The following SIK3 variants were observed in gnomAD, a reference collection of about 807,000 sequenced individuals.
SIK3 encodes the protein serine/threonine-protein kinase SIK3.
SIK3 carries 28 observed loss-of-function variants against 144.2 expected under a neutral mutation model. That is an observed-to-expected ratio of 0.19 (90% CI 0.14 to 0.27). The LOEUF (loss-of-function observed/expected upper bound fraction) is 0.27. Ranked by LOEUF, SIK3 falls within the 10% of genes least tolerant of loss-of-function variation. The pLI is 1.00. For missense variants in SIK3, 1,319 were observed against 1,776.0 expected (o/e 0.74, Z 4.62); for synonymous variants, 686 against 676.3 (o/e 1.01, Z -0.22).
chr11:117,015,812 GCCCAC>G (rs1951499074), intron 1 of SIK3: 2 of 151,960 alleles, frequency 1.3e-5, no homozygotes, highest in East Asian at 3.9e-4. Flanking sequence ...CAGGTGATCC[GCCCAC>G]CTCAGCCTCC....
intron 1 of SIK3, among the ~76,000 whole-genome samples, chr11:116,966,135 G>T (rs191162129): frequency 6.6e-6 from 1 of 152,122 alleles, no homozygotes; most frequent in Non-Finnish European, 1.5e-5. Context: ...CTAAGAAAGT[G>T]GCATAATGAC....
In SIK3 at chr11:116,896,469, T is replaced by C. The variant is rs539102226; in HGVS notation, c.742-93A>G. ...TGTGTATGCAGATGATGGTGAGTCATGCATACGATTATGGAACAAACTTTT... is the reference window on the plus strand; with the variant it reads ...TGTGTATGCAGATGATGGTGAGTCACGCATACGATTATGGAACAAACTTTT... On this transcript the variant is annotated intron_variant, in intron 5 of 24. Coordinates refer to ENST00000445177, the MANE Select transcript of SIK3 (RefSeq NM_001366686.3). 1.4e-5 allele frequency: 19 copies of C among 1,371,732 alleles called. No individual in the cohort carries two copies. The East Asian group carries it at 3.6e-4, about 26-fold the overall frequency. The allele number at this position is 1,371,732 out of a possible 1,614,324, so 85.0% of individuals were successfully genotyped here.
chr11:116,914,598 G>A (rs1946523649), intron 4 of SIK3, among the ~76,000 whole-genome samples: 2 of 152,204 alleles, frequency 1.3e-5, no homozygotes, highest in Admixed American at 1.3e-4. Flanking sequence ...GATTAGTCCA[G>A]TGGGGGAGAT....
intron 1 of SIK3, among the ~76,000 whole-genome samples, chr11:117,003,877 T>A (rs114783641): frequency 1.3e-5 from 2 of 152,182 alleles, no homozygotes; most frequent in Non-Finnish European, 2.9e-5. Context: ...TTGGTCCCCA[T>A]TGCTGAACAT....
intron 1 of SIK3, among the ~76,000 whole-genome samples, chr11:116,964,512 C>T (rs889519662): frequency 2.6e-5 from 4 of 152,180 alleles, no homozygotes; most frequent in African/African-American, 9.7e-5. Flanking sequence ...CACAAGGACT[C>T]TACATGGCCA....
At chr11:117,075,911 C>A (rs1455300873) in intron 1 of SIK3, among the ~76,000 whole-genome samples, 4 of 137,910 alleles carry the variant, frequency 2.9e-5, no homozygotes, top group East Asian at 2.2e-4. Flanking sequence ...GTGCAATGCA[C>A]GATCTCGGCT....
chr11:116,921,220 T>C lies in SIK3; in HGVS notation c.616+5999A>G, dbSNP rs141203891. On this transcript the variant is annotated intron_variant, in intron 4 of 24. Transcript: ENST00000445177. ...TTGGAGAGTTAAAAGTGCCAGAAGATGAAGAGATTTTACTTTTTTAATAAG... is the reference window on the plus strand; with the variant it reads ...TTGGAGAGTTAAAAGTGCCAGAAGACGAAGAGATTTTACTTTTTTAATAAG... Among the ~76,000 whole-genome samples the C allele has an allele frequency of 2.8e-4, 43 of 152,348 alleles. No individual in the cohort carries two copies. In the East Asian group the frequency reaches 7.3e-3, roughly 26 times the overall value.
chr11:117,054,705 G>A (rs995942592), intron 1 of SIK3, among the ~76,000 whole-genome samples: 2 of 152,102 alleles, frequency 1.3e-5, no homozygotes, highest in Non-Finnish European at 2.9e-5. Context: ...GAGGTGGGAG[G>A]ATCACTGGAG....
intron 1 of SIK3, among the ~76,000 whole-genome samples, chr11:116,973,608 G>C (rs920314310): frequency 6.6e-6 from 1 of 152,166 alleles, no homozygotes; most frequent in Non-Finnish European, 1.5e-5. Flanking sequence ...GAAAGGGGGG[G>C]AAAGAAAGAA....
At chr11:116,902,480 G>A (rs931825685) in intron 4 of SIK3, among the ~76,000 whole-genome samples, 2 of 152,196 alleles carry the variant, frequency 1.3e-5, no homozygotes, top group African/African-American at 2.4e-5. Flanking sequence ...TTTTATATGA[G>A]AAATGAGTGT....
At chr11:117,090,010 C>T (rs1381062186) in intron 1 of SIK3, among the ~76,000 whole-genome samples, 1 of 152,202 alleles carries the variant, frequency 6.6e-6, no homozygotes, top group Non-Finnish European at 1.5e-5. Flanking sequence ...ATGGCTCATC[C>T]AACAGTTCCG....
rs1227717591 is a variant in SIK3, at chr11:116,867,596, G to C, written c.1952+350C>G. ...TATTAAAGGTCAAGTCTATCGATATGGCTAAAAATCTTCCTGTTTCCAGGT... is the reference window on the plus strand; with the variant it reads ...TATTAAAGGTCAAGTCTATCGATATCGCTAAAAATCTTCCTGTTTCCAGGT... On this transcript the variant is annotated intron_variant, in intron 15 of 24. Transcript: ENST00000445177. The surrounding 1 kb of genome is among the most constrained non-coding windows in gnomAD (Gnocchi z 4.1). 1 of 200,474 alleles carries C rather than the reference G, an allele frequency of 5.0e-6. No individual in the cohort carries two copies. The highest frequency in any genetic ancestry group is 1.0e-5 in the Non-Finnish European group (1 of 99,658). 12.4% of individuals were successfully genotyped at this position (200,474 alleles called of 1,614,324 possible). A position where few individuals can be genotyped will look rare whatever the true frequency, so the allele number is the denominator to read the frequency against.
chr11:116,858,754 G>A lies in SIK3; in HGVS notation c.2766-55C>T. The A allele has an allele frequency of 6.6e-7, 1 of 1,511,444 alleles. No individual in the cohort carries two copies. The highest frequency in any genetic ancestry group is 8.8e-7 in the Non-Finnish European group (1 of 1,130,666). 93.6% of individuals were successfully genotyped at this position (1,511,444 alleles called of 1,614,324 possible). The stretch of plus-strand genomic sequence containing the variant: ...CCATGTAACAAGTACTAGACTTCCT[G>A]GGAACAGCTCCTCCTCCTCAGTAGG... On this transcript the variant is annotated intron_variant, in intron 20 of 24. Transcript: ENST00000445177. This position sits in a 1 kb window ranked among gnomAD's most constrained non-coding sequence, Gnocchi z 5.4.
Position 116,859,556 on chromosome 11 carries a change from A to G in SIK3, c.2474T>C (p.Ile825Thr). The G allele has an allele frequency of 6.2e-7, 1 of 1,614,174 alleles. No individual in the cohort carries two copies. The change falls in exon 20 of 25, where the codon ATC becomes ACC. Residue 825 changes from isoleucine to threonine, a missense_variant. This residue lies in a region of SIK3 where 646 missense variants were observed against 763.7 expected (regional missense o/e 0.85). Coordinates refer to ENST00000445177, the MANE Select transcript of SIK3 (RefSeq NM_001366686.3). ...QFQGLPSRSA[I>T]FQQQPENCSS... Reference sequence around the variant, plus strand: ...ACAGTTCTCAGGTTGCTGCTGAAAGATTGCACTGCGGGAAGGTAAGCCTTG... The same window carrying G: ...ACAGTTCTCAGGTTGCTGCTGAAAGGTTGCACTGCGGGAAGGTAAGCCTTG...
At chr11:116,997,016 A>AT (rs1377331537) in intron 1 of SIK3, among the ~76,000 whole-genome samples, 1 of 152,070 alleles carries the variant, frequency 6.6e-6, no homozygotes, top group East Asian at 1.9e-4. Flanking sequence ...GGACCTTCTC[A>AT]TTTTTTCCCA....
chr11:116,846,319 G>T lies in SIK3; in HGVS notation c.*13+64C>A. ...CCACAACACATGGGCTGAAGCTCCT[G>T]ATGGGATTGGGAGCAGGCACTGGGC... On this transcript the variant is annotated intron_variant, in intron 24 of 24. Transcript: ENST00000445177. The surrounding 1 kb of genome is among the most constrained non-coding windows in gnomAD (Gnocchi z 4.1). 1 of 1,531,878 alleles carries T rather than the reference G, an allele frequency of 6.5e-7. No individual in the cohort carries two copies. The highest frequency in any genetic ancestry group is 8.9e-7 in the Non-Finnish European group (1 of 1,120,178). 94.9% of individuals were successfully genotyped at this position (1,531,878 alleles called of 1,614,324 possible).
At position 116,844,642 on chromosome 11, in the gene SIK3, A is replaced by ATATATATAATATAATATAATATATATAT. The variant is rs1565345727; in HGVS notation, c.*1000_*1001insATATATATATTATATTATATTATATATA. On this transcript the variant is annotated 3_prime_UTR_variant, in exon 25 of 25. Coordinates refer to ENST00000445177, the MANE Select transcript of SIK3 (RefSeq NM_001366686.3). ...TAATATATATATAATATATTATATTATATATTATATATATAATATATATAT... is the reference window on the plus strand; with the variant it reads ...TAATATATATATAATATATTATATTATATATATAATATAATATAATATATATATTATATTATATATATAATATATATAT... 2.5e-5 allele frequency: 2 copies of ATATATATAATATAATATAATATATATAT among 79,496 alleles called. No homozygotes were observed. Among genetic ancestry groups the ATATATATAATATAATATAATATATATAT allele is most frequent in the Non-Finnish European group, 4.0e-5 (2 of 50,154 alleles). 4.9% of individuals were successfully genotyped at this position (79,496 alleles called of 1,614,324 possible).
At chr11:117,026,261 G>A (rs565694347) in intron 1 of SIK3, among the ~76,000 whole-genome samples, 1 of 152,288 alleles carries the variant, frequency 6.6e-6, no homozygotes, top group African/African-American at 2.4e-5. Flanking sequence ...TAGCCTAGGA[G>A]CAACAGACCA....
intron 1 of SIK3, among the ~76,000 whole-genome samples, chr11:117,028,829 C>T (rs1952134242): frequency 6.6e-6 from 1 of 152,106 alleles, no homozygotes; most frequent in South Asian, 2.1e-4. Context: ...TTACAGGAGA[C>T]AGAAGACAGT....
Sources: gnomAD v4.1 joint callset for allele counts (sites outside exome capture counted in the v4.1 genomes callset) on GRCh38, gnomAD v4.1.1 for gene constraint, gnomAD v4.1.1 regional missense constraint, Gnocchi (gnomAD v3.1) non-coding constraint, MANE v1.5 for transcripts, NCBI Gene and HGNC (gene_info 2026-07-23, HGNC 2026-07-21) for gene names.